SPECC1: variants seen among roughly 807,000 people sequenced by gnomAD.
SPECC1 encodes sperm antigen with calponin homology and coiled-coil domains 1, also known as cytospin-B.
Under a neutral mutation model 104.1 loss-of-function variants are expected in SPECC1, and 62 were observed. The ratio of observed to expected loss-of-function variants is 0.60; its 90% CI spans 0.49 to 0.74. The LOEUF is 0.74. Ranked by LOEUF, SPECC1 falls within the 30% of genes least tolerant of loss-of-function variation. The pLI, the probability that SPECC1 is intolerant of heterozygous loss-of-function variation, is 0.00. For missense variants in SPECC1, 1,306 were observed against 1,310.5 expected, an observed-to-expected ratio of 1.00 and a Z score of 0.05; for synonymous variants, 513 against 501.6, an observed-to-expected ratio of 1.02 and a Z score of -0.30.
chr17:20,113,249 G>A (rs908015311), intron 3 of SPECC1, among the ~76,000 whole-genome samples: 3 of 152,008 alleles, frequency 2.0e-5, no homozygotes, highest in Middle Eastern at 3.2e-3. Context: ...GGGTAGGGGG[G>A]TTTACCTGGT....
In SPECC1 at chr17:20,077,676, A is replaced by C. The variant is rs553417318; in HGVS notation, c.-21-18955A>C. 2.8e-3 allele frequency among the ~76,000 whole-genome samples: 424 copies of C among 152,266 alleles called. 2 individuals are homozygous for C. The highest frequency in any genetic ancestry group is 3.9e-3 in the Non-Finnish European group (267 of 68,026). On this transcript the variant is annotated intron_variant, in intron 1 of 14. Coordinates refer to ENST00000395527, the MANE Select transcript of SPECC1 (RefSeq NM_001243439.2). ...GAGGTGGGGTTTTGCAATGTTGGCCAGGCTGGTCTCGGACTCCTGACCTCA... is the reference window on the plus strand; with the variant it reads ...GAGGTGGGGTTTTGCAATGTTGGCCCGGCTGGTCTCGGACTCCTGACCTCA...
chr17:20,176,344 T>C (rs1036094787), intron 3 of SPECC1, among the ~76,000 whole-genome samples: 1 of 152,214 alleles, frequency 6.6e-6, no homozygotes, highest in Non-Finnish European at 1.5e-5. Flanking sequence ...TTTCAGTCAT[T>C]TTACTTGAGG....
chr17:20,229,734 A>T (rs1236585753), intron 5 of SPECC1, among the ~76,000 whole-genome samples: 3 of 152,204 alleles, frequency 2.0e-5, no homozygotes, highest in African/African-American at 7.2e-5. Context: ...AGAGAAAGGG[A>T]GAAGTTTGAC....
chr17:20,080,746 C>T (rs73984571), intron 1 of SPECC1, among the ~76,000 whole-genome samples: 18,708 of 152,074 alleles, frequency 0.12, 1,153 homozygotes, highest in Non-Finnish European at 0.13. Flanking sequence ...CCTGCGAGCC[C>T]TTACTGCATG....
At chr17:20,288,852 C>T (rs188143971) in intron 12 of SPECC1, among the ~76,000 whole-genome samples, 209 of 142,244 alleles carry the variant, frequency 1.5e-3, no homozygotes, top group African/African-American at 5.0e-3. Context: ...GGTGCGATCT[C>T]GGCTAACTGC....
chr17:20,037,422 A>G (rs976453725), intron 1 of SPECC1, among the ~76,000 whole-genome samples: 4 of 151,724 alleles, frequency 2.6e-5, no homozygotes, highest in Non-Finnish European at 5.9e-5. Flanking sequence ...AAGTGCTGAG[A>G]TTACAGGTGT....
chr17:20,213,282 G>C (rs1267574279), intron 4 of SPECC1, among the ~76,000 whole-genome samples: 1 of 152,002 alleles, frequency 6.6e-6, no homozygotes, highest in African/African-American at 2.4e-5. Flanking sequence ...TATTTTCATA[G>C]AGACAGGATC....
intron 13 of SPECC1, among the ~76,000 whole-genome samples, chr17:20,298,090 G>A (rs570062932): frequency 2.6e-5 from 4 of 152,266 alleles, no homozygotes; most frequent in South Asian, 4.2e-4. Flanking sequence ...AGTGGCTCCC[G>A]CCTGTAATCC....
intron 3 of SPECC1, among the ~76,000 whole-genome samples, chr17:20,144,048 G>A (rs1179867896): frequency 2.0e-5 from 3 of 152,108 alleles, no homozygotes; most frequent in Non-Finnish European, 2.9e-5. Context: ...TTCACTGAGA[G>A]TCCTCGCTTT....
intron 3 of SPECC1, among the ~76,000 whole-genome samples, chr17:20,124,001 A>G (rs2049163283): frequency 6.6e-6 from 1 of 152,096 alleles, no homozygotes; most frequent in Non-Finnish European, 1.5e-5. Flanking sequence ...AAAACCATGG[A>G]TGGGTTGGCT....
At position 20,116,803 on chromosome 17, in the gene SPECC1, C is replaced by CTTTTTTTTTTT. The variant is rs58127201; in HGVS notation, c.283+6261_283+6271dup. 3.2e-4 allele frequency among the ~76,000 whole-genome samples: 16 copies of CTTTTTTTTTTT among 50,424 alleles called. 6 individuals are homozygous for CTTTTTTTTTTT. Among genetic ancestry groups the CTTTTTTTTTTT allele is most frequent in the Non-Finnish European group, 5.2e-4 (14 of 26,996 alleles). 33.1% of individuals were successfully genotyped at this position (50,424 alleles called of 152,430 possible). A position where few individuals can be genotyped will look rare whatever the true frequency, so the allele number is the denominator to read the frequency against. On this transcript the variant is annotated intron_variant, in intron 3 of 14. Coordinates refer to ENST00000395527, the MANE Select transcript of SPECC1 (RefSeq NM_001243439.2). ...GGGAACAATTGGCAGTGTCTGGAGA[C>CTTTTTTTTTTT]TTTTTTTTTTTTTTTTTTTTTTTTT...
chr17:20,291,021 T>C (rs1456194239), intron 12 of SPECC1, among the ~76,000 whole-genome samples: 1 of 152,194 alleles, frequency 6.6e-6, no homozygotes, highest in Non-Finnish European at 1.5e-5. Flanking sequence ...ATTTAGCAAG[T>C]GTTAAAGTGA....
chr17:20,264,324 G>A (rs1484406812), intron 12 of SPECC1, among the ~76,000 whole-genome samples: 1 of 151,960 alleles, frequency 6.6e-6, no homozygotes, highest in Non-Finnish European at 1.5e-5. Flanking sequence ...CTTGAGTTAT[G>A]GGTCCCGTCA....
intron 3 of SPECC1, among the ~76,000 whole-genome samples, chr17:20,191,386 T>G (rs1160944333): frequency 6.6e-6 from 1 of 152,078 alleles, no homozygotes; most frequent in East Asian, 1.9e-4. Flanking sequence ...CAGTATTTGG[T>G]GTTCTTATTG....
intron 7 of SPECC1, chr17:20,237,014 A>G (rs2038955698): frequency 6.4e-7 from 1 of 1,554,870 alleles, no homozygotes; most frequent in Non-Finnish European, 8.6e-7. Context: ...TCCTTGTGAC[A>G]TTCTCTGTTT....
At chr17:20,256,557 A>G (rs977906595) in intron 10 of SPECC1, among the ~76,000 whole-genome samples, 3 of 152,156 alleles carry the variant, frequency 2.0e-5, no homozygotes, top group South Asian at 2.1e-4. Context: ...TTCTGTGACT[A>G]TTCACAGGTC....
chr17:20,066,875 T>C (rs941836504), intron 1 of SPECC1, among the ~76,000 whole-genome samples: 40 of 149,284 alleles, frequency 2.7e-4, no homozygotes, highest in Non-Finnish European at 4.6e-4. Flanking sequence ...AGTAGCTGGG[T>C]CTATAGGTGC....
chr17:20,078,137 C>T (rs1391722574), intron 1 of SPECC1, among the ~76,000 whole-genome samples: 2 of 150,070 alleles, frequency 1.3e-5, no homozygotes, highest in Non-Finnish European at 3.0e-5. Flanking sequence ...TCATTCTTTC[C>T]CTCTATGGCT....
chr17:20,278,756 C>T (rs963472346), intron 12 of SPECC1, among the ~76,000 whole-genome samples: 2 of 151,176 alleles, frequency 1.3e-5, no homozygotes, highest in South Asian at 2.1e-4. Context: ...GAGTTAGCCT[C>T]GTCTTCTGAC....
Sources: gnomAD v4.1 joint callset for allele counts (sites outside exome capture counted in the v4.1 genomes callset) on GRCh38, gnomAD v4.1.1 for gene constraint, MANE v1.5 for transcripts, NCBI Gene and HGNC (gene_info 2026-07-23, HGNC 2026-07-21) for gene names.